Variants in MFSD8 observed in about 807,000 individuals in gnomAD.
MFSD8 encodes major facilitator superfamily domain-containing protein 8.
In MFSD8, 55 loss-of-function variants were observed where a neutral mutation model predicts 66.4. The observed-to-expected ratio is 0.83, with a 90% CI of 0.67 to 1.04. The LOEUF (loss-of-function observed/expected upper bound fraction) is 1.04, where lower values mean the gene tolerates loss of function less well. Ranked by LOEUF, MFSD8 falls within the 50% of genes least tolerant of loss-of-function variation. The pLI, the probability that MFSD8 is intolerant of heterozygous loss-of-function variation, is 0.00. For missense variants in MFSD8, 550 were observed against 627.6 expected (o/e 0.88, Z 1.32); for synonymous variants, 202 against 212.8 (o/e 0.95, Z 0.44).
upstream of MFSD8, chr4:127,965,373 G>A (rs1443770225): frequency 2.8e-5 from 17 of 605,752 alleles, 1 homozygote; most frequent in South Asian, 2.1e-4. Context: ...TCCTGACGGG[G>A]ACTGAGAGCC....
rs1209316563 is a variant in MFSD8 at position 127,941,554 on chromosome 4, C to T, written c.553+491G>A. ...CTCAGCTCACTGCAACCTCTGCCTCCGAGTTCAAGCGATTCCCCTGCCTCA... is the reference window on the plus strand; with the variant it reads ...CTCAGCTCACTGCAACCTCTGCCTCTGAGTTCAAGCGATTCCCCTGCCTCA... On this transcript the variant is annotated intron_variant, in intron 5 of 11. Transcript: ENST00000641686. 5.3e-5 allele frequency among the ~76,000 whole-genome samples: 8 copies of T among 152,144 alleles called. 1 individual carries two copies. In the South Asian group the frequency reaches 6.2e-4, roughly 12 times the overall value.
At chr4:127,949,021 GTC>G (rs1232799577) in intron 3 of MFSD8, among the ~76,000 whole-genome samples, 4 of 152,320 alleles carry the variant, frequency 2.6e-5, no homozygotes, top group African/African-American at 9.6e-5. Flanking sequence ...CTATCCAGGT[GTC>G]ACCTAAAATA....
chr4:127,955,801 T>A (rs542890537), intron 2 of MFSD8, among the ~76,000 whole-genome samples: 21 of 152,288 alleles, frequency 1.4e-4, no homozygotes, highest in African/African-American at 5.1e-4. Flanking sequence ...CAGGTATAAT[T>A]AAGACTGTAT....
At position 127,920,459 on chromosome 4, in the gene MFSD8, T is replaced by G; in HGVS notation, c.*171A>C. 1 of 692,300 alleles carries G rather than the reference T, an allele frequency of 1.4e-6. No homozygotes were observed. Among genetic ancestry groups the G allele is most frequent in the East Asian group, 2.7e-5 (1 of 37,130 alleles). The allele number at this position is 692,300 out of a possible 1,614,324, so 42.9% of individuals were successfully genotyped here. A position where few individuals can be genotyped will look rare whatever the true frequency, so the allele number is the denominator to read the frequency against. On this transcript the variant is annotated 3_prime_UTR_variant, in exon 12 of 12. Coordinates refer to ENST00000641686, the MANE Select transcript of MFSD8 (RefSeq NM_001371596.2). ...TAGTATGTTTTTATATAACCTACTA[T>G]TCACAATGACATGTAGAATTCTCTC...
At chr4:127,925,319 G>C (rs1264828954) in intron 9 of MFSD8, among the ~76,000 whole-genome samples, 1 of 152,100 alleles carries the variant, frequency 6.6e-6, no homozygotes, top group Non-Finnish European at 1.5e-5. Flanking sequence ...TACAGAATGG[G>C]AGAAAATTTT....
At chr4:127,947,193 C>T (rs567478220) in intron 3 of MFSD8, among the ~76,000 whole-genome samples, 1 of 152,132 alleles carries the variant, frequency 6.6e-6, no homozygotes, top group East Asian at 1.9e-4. Context: ...CGTTCGAGAT[C>T]AGCCTAGCCA....
chr4:127,958,096 C>G (rs1052527155), intron 1 of MFSD8, among the ~76,000 whole-genome samples: 2 of 152,140 alleles, frequency 1.3e-5, no homozygotes, highest in African/African-American at 4.8e-5. Context: ...GAAGGTTTAA[C>G]GTAACCTAAG....
intron 9 of MFSD8, among the ~76,000 whole-genome samples, chr4:127,926,630 A>G (rs1261703579): frequency 6.6e-6 from 1 of 152,078 alleles, no homozygotes; most frequent in Non-Finnish European, 1.5e-5. Context: ...TGTACTTCCT[A>G]TTAACTTTGA....
rs1159456742 is a variant in MFSD8, at chr4:127,918,713, CTT to C, written c.*1915_*1916del. On this transcript the variant is annotated 3_prime_UTR_variant, in exon 12 of 12. Transcript: ENST00000641686. ...GATAGACTGTTACTTAGACAAGTAA[CTT>C]TTCTGTGCCTCCATTCTTTCATCTG... 1.3e-5 allele frequency: 2 copies of C among 152,118 alleles called. No individual in the cohort carries two copies. The highest frequency in any genetic ancestry group is 2.9e-5 in the Non-Finnish European group (2 of 68,012). The allele number at this position is 152,118 out of a possible 1,614,324, so 9.4% of individuals were successfully genotyped here. A position where few individuals can be genotyped will look rare whatever the true frequency, so the allele number is the denominator to read the frequency against.
At chr4:127,961,792 G>GTCCGA (rs1328113167) in intron 1 of MFSD8, among the ~76,000 whole-genome samples, 1 of 134,736 alleles carries the variant, frequency 7.4e-6, no homozygotes, top group Non-Finnish European at 1.5e-5. Flanking sequence ...CTGCACTCCA[G>GTCCGA]CCTGGGTGAC....
intron 3 of MFSD8, among the ~76,000 whole-genome samples, chr4:127,944,919 G>A (rs1328467683): frequency 1.3e-5 from 2 of 152,100 alleles, no homozygotes; most frequent in East Asian, 1.9e-4. Flanking sequence ...TCCTCCTGCC[G>A]CGGGAGGGAG....
chr4:127,950,909 A>C (rs1040030935), intron 2 of MFSD8, among the ~76,000 whole-genome samples: 1 of 150,974 alleles, frequency 6.6e-6, no homozygotes, highest in Admixed American at 6.6e-5. Context: ...AAAAATACAA[A>C]AATTAGCTGG....
chr4:127,930,910 T>A, intron 8 of MFSD8, 93 bp from the exon 9 acceptor site: 1 of 1,227,852 alleles, frequency 8.1e-7, no homozygotes, highest in African/African-American at 1.5e-5. Context: ...CATCTACACA[T>A]TCAAGAATGT....
At chr4:127,929,369 A>T (rs1305251576) in intron 9 of MFSD8, among the ~76,000 whole-genome samples, 2 of 142,332 alleles carry the variant, frequency 1.4e-5, no homozygotes, top group Non-Finnish European at 3.0e-5. Flanking sequence ...GAAGATAGAG[A>T]GTAGATTGGT....
Position 127,943,982 on chromosome 4 carries a change from G to T in MFSD8, c.209C>A (p.Thr70Lys). 1.2e-6 allele frequency: 2 copies of T among 1,614,200 alleles called. No individual in the cohort carries two copies. The highest frequency in any genetic ancestry group is 1.7e-6 in the Non-Finnish European group (2 of 1,180,026). ...IWPYLQKIDP[T>K]ADTSFLGWVI... ...CCAGCCCAAAAAACTTGTATCAGCT[G>T]TCGGATCAATCTGCAGAAAAAGGTA... Residue 70 changes from threonine to lysine, a missense_variant, in exon 4 of 12, where the codon ACA (threonine) becomes AAA (lysine). Coordinates refer to ENST00000641686, the MANE Select transcript of MFSD8 (RefSeq NM_001371596.2).
intron 9 of MFSD8, among the ~76,000 whole-genome samples, chr4:127,928,652 A>G (rs893460672): frequency 6.6e-6 from 1 of 152,204 alleles, no homozygotes; most frequent in Non-Finnish European, 1.5e-5. Flanking sequence ...GGGAATGTAA[A>G]TTAGTAAAAC....
chr4:127,938,595 A>T (rs904863711), intron 7 of MFSD8, among the ~76,000 whole-genome samples, 188 bp downstream of exon 7: 33 of 110,986 alleles, frequency 3.0e-4, no homozygotes, highest in Middle Eastern at 4.0e-3. Context: ...AAAAAAAAAA[A>T]TAAATAAATA....
At chr4:127,965,310 C>G, upstream of MFSD8, 1 of 749,470 alleles carries the variant, frequency 1.3e-6, no homozygotes, top group Non-Finnish European at 2.3e-6. Flanking sequence ...CCGGGCAGCG[C>G]AGGGCGAAAG....
chr4:127,940,515 G>GTTATATAT, intron 5 of MFSD8, among the ~76,000 whole-genome samples: 1 of 66,662 alleles, frequency 1.5e-5, no homozygotes. Flanking sequence ...TTCTGTATAT[G>GTTATATAT]GTATATATAT....
Sources: allele counts gnomAD v4.1 joint callset (sites outside exome capture counted in the v4.1 genomes callset), GRCh38; gene constraint gnomAD v4.1.1; transcripts MANE v1.5; gene names NCBI Gene and HGNC (gene_info 2026-07-23, HGNC 2026-07-21).